DAB1: variants seen among roughly 807,000 people sequenced by gnomAD.
The protein encoded by DAB1 is DAB adaptor protein 1.
Under a neutral mutation model 64.6 loss-of-function variants are expected in DAB1, and 15 were observed. That is an observed-to-expected ratio of 0.23 (90% confidence interval 0.16 to 0.36). The LOEUF (loss-of-function observed/expected upper bound fraction) is 0.36, where lower values mean the gene tolerates loss of function less well. Ranked by LOEUF, DAB1 falls within the 10% of genes least tolerant of loss-of-function variation. The pLI, the probability that DAB1 is intolerant of heterozygous loss-of-function variation, is 1.00. For missense variants in DAB1, 596 were observed against 706.7 expected, an observed-to-expected ratio of 0.84 and a Z score of 1.78; for synonymous variants, 235 against 251.9, an observed-to-expected ratio of 0.93 and a Z score of 0.64.
intron 1 of DAB1, among the ~76,000 whole-genome samples, chr1:57,414,006 G>A (rs1684313475): frequency 6.6e-6 from 1 of 152,168 alleles, no homozygotes; most frequent in South Asian, 2.1e-4. Flanking sequence ...CGGATAAGGA[G>A]TTACTTCTTA....
intron 2 of DAB1, among the ~76,000 whole-genome samples, chr1:57,186,523 CA>C (rs756427577): frequency 3.9e-5 from 6 of 152,218 alleles, no homozygotes; most frequent in Non-Finnish European, 7.3e-5. Context: ...TGGAATGTTA[CA>C]TGGCTAATAA....
intron 14 of DAB1, among the ~76,000 whole-genome samples, chr1:57,009,800 T>A (rs1417368770): frequency 6.6e-6 from 1 of 152,236 alleles, no homozygotes; most frequent in Non-Finnish European, 1.5e-5. Context: ...CTTCATCAGC[T>A]CCTCTTTCTT....
At chr1:57,069,263 G>C (rs550062653) in intron 8 of DAB1, 97 bp downstream of exon 8, 22 of 1,025,892 alleles carry the variant, frequency 2.1e-5, no homozygotes, top group Non-Finnish European at 3.4e-5. Flanking sequence ...TAACAAGCCA[G>C]GAATGACCAA....
chr1:57,364,998 G>A (rs1331506638), intron 1 of DAB1, among the ~76,000 whole-genome samples: 1 of 147,918 alleles, frequency 6.8e-6, no homozygotes, highest in African/African-American at 2.5e-5. Context: ...TCTATTTCTT[G>A]GCTTGAGAAA....
At chr1:57,528,920 GT>G (rs35682872) in intron 7 of DAB1, among the ~76,000 whole-genome samples, 1,880 of 152,182 alleles carry the variant, frequency 0.012, 51 homozygotes, top group African/African-American at 0.04. Flanking sequence ...AAATGCTAAA[GT>G]TAAGTTATTC....
chr1:57,717,947 A>G (rs1647104318), intron 6 of DAB1, among the ~76,000 whole-genome samples: 1 of 151,384 alleles, frequency 6.6e-6, no homozygotes, highest in Admixed American at 6.6e-5. Flanking sequence ...GTAGAGTAGA[A>G]TAGTGGGGAG....
intron 6 of DAB1, among the ~76,000 whole-genome samples, chr1:57,811,935 T>C (rs17116319): frequency 0.03 from 4,513 of 152,142 alleles, 178 homozygotes; most frequent in East Asian, 0.13. Flanking sequence ...AGTGAGGAGA[T>C]GGTCAGTAGG....
intron 2 of DAB1, among the ~76,000 whole-genome samples, chr1:57,263,295 T>G (rs965327507): frequency 6.6e-6 from 1 of 151,922 alleles, no homozygotes; most frequent in African/African-American, 2.4e-5. Flanking sequence ...TTTTTTTGTA[T>G]TTTTAGTAGA....
chr1:57,019,369 A>G (rs925126192), intron 11 of DAB1, among the ~76,000 whole-genome samples: 8 of 151,798 alleles, frequency 5.3e-5, no homozygotes, highest in Non-Finnish European at 8.8e-5. Flanking sequence ...TTTTTTTTCC[A>G]CAAGGAGCTA....
chr1:58,480,816 T>C (rs1645466630), intron 3 of DAB1: 1 of 530,388 alleles, frequency 1.9e-6, no homozygotes, highest in Non-Finnish European at 3.2e-6. Flanking sequence ...AAATAAATTC[T>C]AGAAGAATTT....
At chr1:58,516,256 GTTTTC>G (rs2100439399) in intron 2 of DAB1, among the ~76,000 whole-genome samples, 1 of 152,292 alleles carries the variant, frequency 6.6e-6, no homozygotes, top group East Asian at 1.9e-4. Flanking sequence ...AAGAATATCA[GTTTTC>G]TTTTCCAAAC....
At chr1:57,489,683 T>G (rs1644138274) in intron 7 of DAB1, among the ~76,000 whole-genome samples, 1 of 152,166 alleles carries the variant, frequency 6.6e-6, no homozygotes, top group East Asian at 1.9e-4. Flanking sequence ...GAACCTTTGC[T>G]GAATGAAACA....
chr1:58,262,901 C>T (rs1661080671), intron 4 of DAB1, among the ~76,000 whole-genome samples: 1 of 152,202 alleles, frequency 6.6e-6, no homozygotes, highest in South Asian at 2.1e-4. Context: ...TCCTAAGTAG[C>T]TTCCTTGTCA....
rs566446819 is a variant in DAB1 at position 57,058,303 on chromosome 1, G to C, written c.723+4581C>G. ...AAGGGCCAGGCAAGAGGGCTTCTTTGAGAACCAACACTGTCTTAGTTTGAC... is the reference window on the plus strand; with the variant it reads ...AAGGGCCAGGCAAGAGGGCTTCTTTCAGAACCAACACTGTCTTAGTTTGAC... On this transcript the variant is annotated intron_variant, in intron 9 of 14. Transcript: ENST00000371236. Among the ~76,000 whole-genome samples the C allele has an allele frequency of 2.8e-4, 42 of 152,332 alleles. No homozygotes were observed. In the South Asian group the frequency reaches 8.5e-3, roughly 31 times the overall value.
At chr1:58,244,676 C>T (rs1233302224) in intron 4 of DAB1, among the ~76,000 whole-genome samples, 4 of 152,144 alleles carry the variant, frequency 2.6e-5, no homozygotes, top group Admixed American at 2.6e-4. Flanking sequence ...GGACATGTTA[C>T]TTAATGTCTC....
At chr1:57,075,752 G>A (rs562016624) in intron 4 of DAB1, among the ~76,000 whole-genome samples, 16 of 152,280 alleles carry the variant, frequency 1.1e-4, no homozygotes, top group Admixed American at 9.1e-4. Context: ...AGATTGAAAC[G>A]CCAGGACCAA....
chr1:57,949,162 A>T (rs1456065977), intron 5 of DAB1, among the ~76,000 whole-genome samples: 1 of 149,618 alleles, frequency 6.7e-6, no homozygotes, highest in Non-Finnish European at 1.5e-5. Flanking sequence ...CAATATTTCC[A>T]TGGGGGGGGC....
intron 4 of DAB1, 102 bp downstream of exon 4, chr1:57,136,441 T>G (rs567210206): frequency 1.7e-6 from 1 of 592,264 alleles, no homozygotes; most frequent in Non-Finnish European, 2.7e-6. Context: ...GCTTTATGTG[T>G]TTTTATGCTT....
At chr1:58,067,974 G>T (rs915324456) in intron 5 of DAB1, among the ~76,000 whole-genome samples, 1 of 152,234 alleles carries the variant, frequency 6.6e-6, no homozygotes, top group Non-Finnish European at 1.5e-5. Flanking sequence ...CAAACAGTAA[G>T]ATAGTATGGA....
Sources: allele counts gnomAD v4.1 joint callset (sites outside exome capture counted in the v4.1 genomes callset), GRCh38; gene constraint gnomAD v4.1.1; transcripts MANE v1.5; gene names NCBI Gene and HGNC (gene_info 2026-07-23, HGNC 2026-07-21).